PRKCE: variants seen among roughly 807,000 people sequenced by gnomAD.
PRKCE encodes the protein protein kinase C epsilon type.
A neutral mutation model predicts 85.4 loss-of-function variants in PRKCE; 16 were observed. The observed-to-expected ratio is 0.19, with a 90% CI of 0.13 to 0.28. PRKCE has a LOEUF of 0.28. Ranked by LOEUF, PRKCE falls within the 10% of genes least tolerant of loss-of-function variation. PRKCE has a pLI of 1.00. For synonymous variants in PRKCE, 388 were observed against 371.5 expected, an observed-to-expected ratio of 1.04 and a Z score of -0.51; for missense variants, 573 against 975.2, an observed-to-expected ratio of 0.59 and a Z score of 5.49.
chr2:45,911,723 C>G (rs981981937), intron 2 of PRKCE, among the ~76,000 whole-genome samples: 3 of 152,218 alleles, frequency 2.0e-5, no homozygotes, highest in Non-Finnish European at 2.9e-5. Context: ...ACAACGGTCA[C>G]AGGTGACAAA....
intron 2 of PRKCE, among the ~76,000 whole-genome samples, chr2:45,970,102 G>GCCTT (rs1227326971): frequency 1.3e-5 from 2 of 152,192 alleles, no homozygotes; most frequent in African/African-American, 4.8e-5. Context: ...TCTCTTTGTG[G>GCCTT]CCTTCCCTGT....
chr2:46,056,341 G>T (rs747143422), intron 10 of PRKCE, among the ~76,000 whole-genome samples: 24 of 151,078 alleles, frequency 1.6e-4, no homozygotes, highest in Non-Finnish European at 2.5e-4. Context: ...TGTCCCAAAA[G>T]ACAGAAGCCA....
intron 14 of PRKCE, among the ~76,000 whole-genome samples, chr2:46,161,663 G>A (rs78486202): frequency 0.03 from 4,512 of 152,132 alleles, 85 homozygotes; most frequent in East Asian, 0.084. Context: ...GTGTGGCAGA[G>A]GAAGCCAGGG....
At chr2:45,861,550 G>T (rs10460535) in intron 2 of PRKCE, among the ~76,000 whole-genome samples, 1 of 152,020 alleles carries the variant, frequency 6.6e-6, no homozygotes, top group Non-Finnish European at 1.5e-5. Flanking sequence ...ATACCTCTTC[G>T]CATGAGGCTT....
intron 2 of PRKCE, among the ~76,000 whole-genome samples, chr2:45,966,373 G>T (rs2104458768): frequency 6.6e-6 from 1 of 152,234 alleles, no homozygotes; most frequent in Non-Finnish European, 1.5e-5. Flanking sequence ...CACGCATGCG[G>T]GATACTGTCG....
intron 2 of PRKCE, among the ~76,000 whole-genome samples, chr2:45,859,472 A>T (rs775368851): frequency 2.4e-4 from 36 of 152,166 alleles, no homozygotes; most frequent in Non-Finnish European, 4.3e-4. Context: ...TTTTATCTTC[A>T]TGAATATTTG....
chr2:45,957,011 C>G (rs2104385244), intron 2 of PRKCE, among the ~76,000 whole-genome samples: 1 of 150,310 alleles, frequency 6.7e-6, no homozygotes, highest in African/African-American at 2.4e-5. Context: ...TTATTGAGTT[C>G]TGAGAGTTCT....
intron 2 of PRKCE, among the ~76,000 whole-genome samples, chr2:45,925,976 G>A (rs1009387195): frequency 1.3e-5 from 2 of 152,258 alleles, no homozygotes; most frequent in African/African-American, 4.8e-5. Context: ...TCAGTGGGTA[G>A]AATCAGGTTG....
intron 2 of PRKCE, among the ~76,000 whole-genome samples, chr2:45,861,358 G>T (rs115632930): frequency 6.5e-4 from 99 of 152,244 alleles, no homozygotes; most frequent in African/African-American, 2.2e-3. Context: ...ACAGTGAAAA[G>T]AACTTACGAT....
intron 1 of PRKCE, among the ~76,000 whole-genome samples, chr2:45,684,146 G>A (rs1401908569): frequency 1.3e-5 from 2 of 152,180 alleles, no homozygotes; most frequent in African/African-American, 4.8e-5. Flanking sequence ...AGAGGTGATG[G>A]TGTCTCTCTA....
At chr2:45,731,571 T>C (rs1488601423) in intron 1 of PRKCE, among the ~76,000 whole-genome samples, 2 of 151,704 alleles carry the variant, frequency 1.3e-5, no homozygotes, top group African/African-American at 4.8e-5. Flanking sequence ...TAGTTACTAA[T>C]GGGGAAACCT....
At chr2:45,891,607 C>T (rs998560560) in intron 2 of PRKCE, among the ~76,000 whole-genome samples, 3 of 152,210 alleles carry the variant, frequency 2.0e-5, no homozygotes, top group African/African-American at 4.8e-5. Context: ...TTGTGTTGGA[C>T]TCCTTCGGCT....
chr2:46,017,847 T>A (rs1706296424), intron 10 of PRKCE, among the ~76,000 whole-genome samples: 1 of 152,184 alleles, frequency 6.6e-6, no homozygotes, highest in Non-Finnish European at 1.5e-5. Flanking sequence ...CCCAGTCAAG[T>A]CTTATAATTT....
intron 10 of PRKCE, among the ~76,000 whole-genome samples, chr2:46,080,061 A>G (rs1416299753): frequency 6.6e-6 from 1 of 152,110 alleles, no homozygotes; most frequent in Non-Finnish European, 1.5e-5. Flanking sequence ...ACCTCAGAAA[A>G]CGTATTTGCT....
intron 1 of PRKCE, among the ~76,000 whole-genome samples, chr2:45,791,116 T>C (rs1686998920): frequency 6.6e-6 from 1 of 152,206 alleles, no homozygotes. Context: ...GGTCTCTGAA[T>C]TGGCTGGTAG....
At chr2:45,888,948 C>T (rs558956265) in intron 2 of PRKCE, among the ~76,000 whole-genome samples, 2 of 152,158 alleles carry the variant, frequency 1.3e-5, no homozygotes, top group Non-Finnish European at 2.9e-5. Flanking sequence ...AAAACCAGCC[C>T]GTGTGGGGTT....
At chr2:45,953,448 C>G (rs1271264812) in intron 2 of PRKCE, among the ~76,000 whole-genome samples, 1 of 152,164 alleles carries the variant, frequency 6.6e-6, no homozygotes, top group Admixed American at 6.5e-5. Context: ...CCTCCCTTCC[C>G]TCTCCCTGAA....
intron 1 of PRKCE, among the ~76,000 whole-genome samples, chr2:45,787,360 G>C (rs1686690530): frequency 6.6e-6 from 1 of 152,190 alleles, no homozygotes; most frequent in African/African-American, 2.4e-5. Context: ...GAGACAGAGA[G>C]AGAGAGAGAC....
intron 1 of PRKCE, among the ~76,000 whole-genome samples, chr2:45,808,594 CA>C (rs779210243): frequency 5.3e-5 from 8 of 152,188 alleles, no homozygotes; most frequent in Non-Finnish European, 1.2e-4. Flanking sequence ...AGCTATCTGC[CA>C]GGGAGCTGCC....
Sources: allele counts gnomAD v4.1 joint callset (sites outside exome capture counted in the v4.1 genomes callset), GRCh38; gene constraint gnomAD v4.1.1; transcripts MANE v1.5; gene names NCBI Gene and HGNC (gene_info 2026-07-23, HGNC 2026-07-21).